TEX11: variants seen among roughly 807,000 people sequenced by gnomAD.
TEX11 encodes testis-expressed protein 11.
A neutral mutation model predicts 84.4 loss-of-function variants in TEX11; 7 were observed. That is an observed-to-expected ratio of 0.08 (90% CI 0.05 to 0.16). TEX11 has a LOEUF of 0.16. Among genes scored for constraint, TEX11 ranks in the 10% least tolerant of loss-of-function variants. The probability of loss-of-function intolerance (pLI) is 1.00; values close to 1 mark genes in which losing one functional copy is unlikely to be tolerated. For synonymous variants in TEX11, 264 were observed against 222.8 expected, an observed-to-expected ratio of 1.18 and a Z score of -1.64; for missense variants, 551 against 660.5, an observed-to-expected ratio of 0.83 and a Z score of 1.82.
At chrX:70,640,657 T>C (rs1335845684) in intron 17 of TEX11, among the ~76,000 whole-genome samples, 6 of 108,099 alleles carry the variant, frequency 5.6e-5, no homozygotes, top group Non-Finnish European at 1.2e-4. Context: ...GAATTTCATA[T>C]CCAGCCAAAC....
intron 13 of TEX11, among the ~76,000 whole-genome samples, chrX:70,688,106 G>GAA (rs2090204014): frequency 1.8e-5 from 2 of 111,125 alleles, no homozygotes; most frequent in African/African-American, 6.5e-5. Flanking sequence ...AAATATTTGG[G>GAA]AAAAAACATA....
chrX:70,855,187 G>A (rs1161357467), intron 5 of TEX11, among the ~76,000 whole-genome samples: 1 of 111,009 alleles, frequency 9.0e-6, no homozygotes, highest in Non-Finnish European at 1.9e-5. Context: ...GAGGGGATGG[G>A]GAGGTAACAT....
At position 70,568,673 on chromosome X, in the gene TEX11, T is replaced by G. The variant is rs1254238887; in HGVS notation, c.2141-13873A>C. 3.6e-5 allele frequency among the ~76,000 whole-genome samples: 4 copies of G among 111,259 alleles called. No individual in the cohort carries two copies. The Admixed American group carries it at 3.8e-4, about 11-fold the overall frequency. On this transcript the variant is annotated intron_variant, in intron 25 of 29. Transcript: ENST00000374333. ...TTCTCCTTCACTTATGAAGCTTAGT[T>G]TGGCTGGACATGAAATTCTGCATTG...
chrX:70,854,634 G>A (rs1428633702), intron 5 of TEX11, among the ~76,000 whole-genome samples: 3 of 108,620 alleles, frequency 2.8e-5, no homozygotes, highest in Non-Finnish European at 5.7e-5. Context: ...TATTAGGGAG[G>A]CTGAGGCAGG....
intron 2 of TEX11, among the ~76,000 whole-genome samples, chrX:70,883,748 T>C (rs2091695215): frequency 8.9e-6 from 1 of 112,431 alleles, no homozygotes; most frequent in Non-Finnish European, 1.9e-5. Context: ...ATGAGATGCA[T>C]TCTAGTTAAA....
intron 9 of TEX11, among the ~76,000 whole-genome samples, chrX:70,783,620 G>A (rs1451539202): frequency 9.0e-6 from 1 of 111,219 alleles, no homozygotes; most frequent in Non-Finnish European, 1.9e-5. Context: ...TCAAATAGAC[G>A]CTATAAAAAA....
At chrX:70,678,606 G>A (rs1603214447) in intron 15 of TEX11, among the ~76,000 whole-genome samples, 198 bp downstream of exon 15, 1 of 111,075 alleles carries the variant, frequency 9.0e-6, no homozygotes, top group East Asian at 2.8e-4. Flanking sequence ...TCAATGGAGA[G>A]GAATCATGTC....
chrX:70,783,071 A>G (rs1052166855), intron 9 of TEX11, among the ~76,000 whole-genome samples: 2 of 111,546 alleles, frequency 1.8e-5, no homozygotes, highest in East Asian at 5.6e-4. Flanking sequence ...AATTGACCAC[A>G]TAATTGGAAG....
intron 9 of TEX11, among the ~76,000 whole-genome samples, chrX:70,789,014 A>C (rs1234325478): frequency 1.2e-5 from 1 of 80,360 alleles, no homozygotes; most frequent in Non-Finnish European, 2.4e-5. Context: ...AGAGAGAGAG[A>C]GCAAGAAAAC....
At chrX:70,519,667 A>G in the TEX11 span, among the ~76,000 whole-genome samples, 1 of 111,731 alleles carries the variant, frequency 9.0e-6, no homozygotes, top group Admixed American at 9.5e-5. Flanking sequence ...GGCCTGCCTT[A>G]TTAGGTTTGG....
chrX:70,641,838 C>G (rs1444513248), intron 17 of TEX11, among the ~76,000 whole-genome samples: 1 of 110,877 alleles, frequency 9.0e-6, no homozygotes, highest in African/African-American at 3.3e-5. Context: ...AATTGACACC[C>G]TAACATCACA....
At chrX:70,536,446 T>G (rs2087959388) in intron 28 of TEX11, among the ~76,000 whole-genome samples, 1 of 111,849 alleles carries the variant, frequency 8.9e-6, no homozygotes, top group Non-Finnish European at 1.9e-5. Flanking sequence ...TAATAAATGG[T>G]GTAGCCAGAA....
chrX:70,892,832 A>G (rs1020624376), intron 2 of TEX11, among the ~76,000 whole-genome samples: 1 of 110,721 alleles, frequency 9.0e-6, no homozygotes, highest in Non-Finnish European at 1.9e-5. Flanking sequence ...AGACACACAG[A>G]AGCTCAAAAT....
intron 9 of TEX11, among the ~76,000 whole-genome samples, chrX:70,793,673 A>G (rs1394666369): frequency 1.8e-5 from 2 of 111,682 alleles, no homozygotes; most frequent in African/African-American, 6.5e-5. Context: ...GAACCAATTA[A>G]ACCTTTTTTC....
intron 9 of TEX11, among the ~76,000 whole-genome samples, chrX:70,753,119 G>C (rs2090840944): frequency 9.6e-6 from 1 of 103,751 alleles, no homozygotes; most frequent in South Asian, 4.7e-4. Flanking sequence ...GAACTTTAAA[G>C]GCAGCCTAGG....
chrX:70,906,642 C>T (rs769919867), intron 2 of TEX11, among the ~76,000 whole-genome samples: 1 of 110,350 alleles, frequency 9.1e-6, no homozygotes, highest in East Asian at 2.9e-4. Flanking sequence ...AAAAAATTAG[C>T]CAGGCATGGT....
intron 13 of TEX11, among the ~76,000 whole-genome samples, chrX:70,716,714 C>G (rs951346717): frequency 8.0e-5 from 9 of 112,364 alleles, no homozygotes; most frequent in Admixed American, 2.8e-4. Context: ...AATTCCCTGA[C>G]CCCTTGTACT....
At chrX:70,543,882 T>C (rs2088080429) in intron 28 of TEX11, among the ~76,000 whole-genome samples, 3 of 112,386 alleles carry the variant, frequency 2.7e-5, no homozygotes, top group Non-Finnish European at 5.6e-5. Flanking sequence ...ACCTAGGCGA[T>C]ATGGTAAAGC....
intron 11 of TEX11, among the ~76,000 whole-genome samples, chrX:70,737,922 C>T (rs1177455369): frequency 1.8e-5 from 2 of 111,455 alleles, no homozygotes; most frequent in African/African-American, 6.5e-5. Context: ...AACTGGACCC[C>T]TTCCTTACAC....
Sources: gnomAD v4.1 joint callset for allele counts (sites outside exome capture counted in the v4.1 genomes callset) on GRCh38, gnomAD v4.1.1 for gene constraint, MANE v1.5 for transcripts, NCBI Gene and HGNC (gene_info 2026-07-23, HGNC 2026-07-21) for gene names.